Variants in DPY19L2 observed in about 807,000 individuals in gnomAD.
DPY19L2 encodes probable C-mannosyltransferase DPY19L2.
In DPY19L2, 34 loss-of-function variants were observed where a neutral mutation model predicts 97.9. The ratio of observed to expected loss-of-function variants is 0.35; its 90% confidence interval spans 0.26 to 0.46. The LOEUF (loss-of-function observed/expected upper bound fraction) is 0.46, where lower values mean the gene tolerates loss of function less well. DPY19L2 is among the 20% of genes least tolerant of loss of function. The pLI, the probability that DPY19L2 is intolerant of heterozygous loss-of-function variation, is 1.00. For synonymous variants in DPY19L2, 230 were observed against 307.9 expected, an observed-to-expected ratio of 0.75 and a Z score of 2.65; for missense variants, 623 against 911.4, an observed-to-expected ratio of 0.68 and a Z score of 4.07.
At chr12:63,594,213 A>C in intron 15 of DPY19L2, 80 bp from the exon 16 acceptor site, 2 of 1,081,724 alleles carry the variant, frequency 1.8e-6, no homozygotes, top group Admixed American at 2.6e-5. Flanking sequence ...TAATATAAAC[A>C]CTCTGCCAAG....
intron 12 of DPY19L2, among the ~76,000 whole-genome samples, chr12:63,600,738 G>C (rs774167501): frequency 6.6e-6 from 1 of 150,396 alleles, no homozygotes; most frequent in African/African-American, 2.5e-5. Context: ...AAAAAAACCC[G>C]TGTGCATCGG....
At chr12:63,578,105 T>C (rs867960240) in intron 19 of DPY19L2, among the ~76,000 whole-genome samples, 1 of 152,098 alleles carries the variant, frequency 6.6e-6, no homozygotes. Flanking sequence ...CGCAGTGCTA[T>C]TCAGCCATAA....
intron 19 of DPY19L2, among the ~76,000 whole-genome samples, chr12:63,575,324 TA>T (rs1879624574): frequency 6.6e-6 from 1 of 151,868 alleles, no homozygotes. Flanking sequence ...AAAGCAGTAT[TA>T]AGAGGGAAGT....
intron 11 of DPY19L2, among the ~76,000 whole-genome samples, chr12:63,615,356 G>A (rs1370397410): frequency 6.6e-6 from 1 of 152,064 alleles, no homozygotes; most frequent in African/African-American, 2.4e-5. Flanking sequence ...AATCCCTAAT[G>A]AATTAACAGA....
chr12:63,573,288 T>G (rs1159767188), intron 19 of DPY19L2, among the ~76,000 whole-genome samples: 2 of 152,000 alleles, frequency 1.3e-5, no homozygotes, highest in Middle Eastern at 3.2e-3. Context: ...ATTCTGGAGC[T>G]GAAAAATGCA....
intron 6 of DPY19L2, among the ~76,000 whole-genome samples, chr12:63,639,612 A>C (rs1457128335): frequency 6.6e-6 from 1 of 152,218 alleles, no homozygotes; most frequent in Non-Finnish European, 1.5e-5. Flanking sequence ...GCTCATCATC[A>C]CTGGCCATCA....
intron 4 of DPY19L2, among the ~76,000 whole-genome samples, chr12:63,654,859 G>A (rs1178619898): frequency 1.3e-5 from 2 of 152,060 alleles, no homozygotes; most frequent in African/African-American, 4.8e-5. Flanking sequence ...AGATGTCAAC[G>A]GAGAAATGAA....
intron 12 of DPY19L2, among the ~76,000 whole-genome samples, chr12:63,605,295 G>A (rs1885852550): frequency 6.6e-6 from 1 of 152,112 alleles, no homozygotes; most frequent in Non-Finnish European, 1.5e-5. Context: ...GTTCCCTGCT[G>A]CTGCTACCTG....
intron 3 of DPY19L2, among the ~76,000 whole-genome samples, chr12:63,662,901 G>C (rs1359124389): frequency 1.3e-5 from 2 of 152,164 alleles, no homozygotes; most frequent in Non-Finnish European, 2.9e-5. Context: ...AAATCACAGA[G>C]ACAGAAAATA....
At chr12:63,577,892 C>CA in intron 19 of DPY19L2, among the ~76,000 whole-genome samples, 1 of 152,090 alleles carries the variant, frequency 6.6e-6, no homozygotes, top group Non-Finnish European at 1.5e-5. Flanking sequence ...GGAGGTTCCT[C>CA]AAAAAACTAA....
chr12:63,659,606 G>T (rs1895410327), intron 4 of DPY19L2, among the ~76,000 whole-genome samples: 1 of 152,022 alleles, frequency 6.6e-6, no homozygotes. Flanking sequence ...AGACAGTGTG[G>T]TATTGGCATA....
intron 16 of DPY19L2, among the ~76,000 whole-genome samples, chr12:63,590,130 AAAC>A (rs530724760): frequency 0.033 from 5,030 of 151,486 alleles, 104 homozygotes; most frequent in Middle Eastern, 0.048. Flanking sequence ...AAACAAAACA[AAAC>A]AACAACAACA....
At chr12:63,604,907 T>C (rs1263510497) in intron 12 of DPY19L2, among the ~76,000 whole-genome samples, 1 of 152,208 alleles carries the variant, frequency 6.6e-6, no homozygotes, top group Non-Finnish European at 1.5e-5. Context: ...TGAGTGGTTT[T>C]TCTACTGTGT....
At chr12:63,593,644 G>T (rs1406003955) in intron 16 of DPY19L2, among the ~76,000 whole-genome samples, 4 of 152,004 alleles carry the variant, frequency 2.6e-5, no homozygotes, top group African/African-American at 9.7e-5. Flanking sequence ...CTGTTGTGGG[G>T]TAGGGGGAGA....
intron 6 of DPY19L2, among the ~76,000 whole-genome samples, chr12:63,628,571 G>A (rs1299423171): frequency 6.6e-6 from 1 of 152,176 alleles, no homozygotes; most frequent in Non-Finnish European, 1.5e-5. Flanking sequence ...CAGCCAGGAA[G>A]CTCGAACAGG....
intron 11 of DPY19L2, among the ~76,000 whole-genome samples, chr12:63,616,699 T>C (rs1461668292): frequency 6.6e-6 from 1 of 152,170 alleles, no homozygotes; most frequent in South Asian, 2.1e-4. Flanking sequence ...TTATTCTAAT[T>C]ATCTTGCCAT....
rs747825778 is a variant in DPY19L2, at chr12:63,583,829, G to A, written c.1588C>T (p.Leu530Phe). The A allele has an allele frequency of 6.2e-7, 1 of 1,610,890 alleles. No individual in the cohort carries two copies. Among genetic ancestry groups the A allele is most frequent in the Non-Finnish European group, 8.5e-7 (1 of 1,177,822 alleles). ...LATNIYLRKQ[L>F]LEHSELAFHT... ...AGCTTTACCTCACTGTGTTCAAGGA[G>A]CTGTTTTCTAGAATAAAACAAAAAT... is the stretch of plus-strand genomic sequence containing the variant. The change falls in exon 17 of 22, where the codon CTC (leucine) becomes TTC (phenylalanine). Residue 530 changes from leucine to phenylalanine, a missense_variant. Coordinates refer to ENST00000324472, the MANE Select transcript of DPY19L2 (RefSeq NM_173812.5).
chr12:63,603,149 T>G (rs1045387107), intron 12 of DPY19L2, among the ~76,000 whole-genome samples: 3 of 152,044 alleles, frequency 2.0e-5, no homozygotes, highest in African/African-American at 7.2e-5. Context: ...CTCAAAAGCT[T>G]TATCAATAAA....
rs562408363 is a variant in DPY19L2 at position 63,661,996 on chromosome 12, C to T, written c.451-515G>A. Among the ~76,000 whole-genome samples the T allele has an allele frequency of 8.9e-4, 135 of 152,240 alleles. 2 individuals are homozygous for T. Among genetic ancestry groups the T allele is most frequent in the East Asian group, 5.8e-4 (3 of 5,184 alleles). On this transcript the variant is annotated intron_variant, in intron 3 of 21. Transcript: ENST00000324472. ...GCTTAATTCATAGCTCCATCTAATC[C>T]TCTGTGCAAAGTGAAAGCTCAGTGT... is the stretch of plus-strand genomic sequence containing the variant.
Sources: allele counts gnomAD v4.1 joint callset (sites outside exome capture counted in the v4.1 genomes callset), GRCh38; gene constraint gnomAD v4.1.1; transcripts MANE v1.5; gene names NCBI Gene and HGNC (gene_info 2026-07-23, HGNC 2026-07-21).